PCDHGA3: variants seen among roughly 807,000 people sequenced by gnomAD.
PCDHGA3 encodes the protein protocadherin gamma subfamily A, 3, also known as protocadherin gamma-A3.
A neutral mutation model predicts 58.5 loss-of-function variants in PCDHGA3; 40 were observed. The observed-to-expected ratio is 0.68, with a 90% CI of 0.53 to 0.89. The LOEUF is 0.89. Among genes scored for constraint, PCDHGA3 ranks in the 40% least tolerant of loss-of-function variants. The pLI, the probability that PCDHGA3 is intolerant of heterozygous loss-of-function variation, is 0.00. For missense variants in PCDHGA3, 1,223 were observed against 1,195.9 expected (o/e 1.02, Z -0.33); for synonymous variants, 530 against 525.7 (o/e 1.01, Z -0.11).
At chr5:141,416,859 G>C (rs1411419006) in intron 1 of PCDHGA3, 1 of 151,936 alleles carries the variant, frequency 6.6e-6, no homozygotes, top group African/African-American at 2.4e-5. Context: ...ATTTTTTTCA[G>C]GTCAGTCAAC....
chr5:141,371,930 G>A (rs755224038), intron 1 of PCDHGA3: 5 of 1,613,242 alleles, frequency 3.1e-6, no homozygotes, highest in Non-Finnish European at 3.4e-6. Context: ...CGCGGAGCGG[G>A]GTGGTGTTCG....
intron 1 of PCDHGA3, among the ~76,000 whole-genome samples, chr5:141,474,404 G>A (rs1014003488): frequency 4.6e-5 from 7 of 152,156 alleles, no homozygotes; most frequent in East Asian, 1.9e-4. Context: ...CAAGCTCCCC[G>A]GTGATGCCTA....
In PCDHGA3 at chr5:141,485,219, A is replaced by C. The variant is rs954128321; in HGVS notation, c.2425-9588A>C. 20 of 1,613,930 alleles carry C rather than the reference A, an allele frequency of 1.2e-5. No individual in the cohort carries two copies. The highest frequency in any genetic ancestry group is 1.6e-5 in the Non-Finnish European group (19 of 1,179,944). On this transcript the variant is annotated intron_variant, in intron 1 of 3. Coordinates refer to ENST00000253812, the MANE Select transcript of PCDHGA3 (RefSeq NM_018916.4). The surrounding 1 kb of genome is among the most constrained non-coding windows in gnomAD (Gnocchi z 5.7). The stretch of plus-strand genomic sequence containing the variant: ...CTGGACAGAAATCTGGCGGTGGGCT[A>C]CCCTTTTGTTCCTCTTTTACCACCT...
chr5:141,345,466 AC>A lies in PCDHGA3; in HGVS notation c.1436del (p.Pro479GlnfsTer13). ...GASIFSVTAQ[D>X]PDSNNNARIT... ...TCCATCTTCTCAGTGACAGCCCAGG[AC>A]CCAGATAGCAACAACAACGCCCGCA... On this transcript the variant is annotated frameshift_variant, in exon 1 of 4. Transcript: ENST00000253812. LOFTEE classifies it high-confidence loss of function. 1 of 1,614,078 alleles carries A rather than the reference AC, an allele frequency of 6.2e-7. No homozygotes were observed. Among genetic ancestry groups the A allele is most frequent in the South Asian group, 1.1e-5 (1 of 91,084 alleles).
intron 1 of PCDHGA3, among the ~76,000 whole-genome samples, chr5:141,406,071 C>T (rs2094755708): frequency 7.4e-6 from 1 of 134,244 alleles, no homozygotes; most frequent in East Asian, 2.1e-4. Context: ...AATTCTTACT[C>T]CTTTTTTTTT....
intron 1 of PCDHGA3, chr5:141,419,893 TCCC>T (rs571839457): frequency 5.0e-5 from 81 of 1,613,960 alleles, no homozygotes; most frequent in Non-Finnish European, 6.5e-5. Context: ...TCAGCGACCA[TCCC>T]ACACCCTCTG....
intron 1 of PCDHGA3, chr5:141,387,691 G>C (rs1032902954): frequency 3.3e-5 from 28 of 840,822 alleles, no homozygotes; most frequent in Non-Finnish European, 4.7e-5. Context: ...GCCGCAGCGC[G>C]CTTTCCAGGG....
intron 1 of PCDHGA3, chr5:141,398,109 G>T: frequency 6.3e-7 from 1 of 1,594,204 alleles, no homozygotes; most frequent in Non-Finnish European, 8.5e-7. Context: ...TGGTGAGCAA[G>T]CTGAGGAGAG....
Position 141,476,387 on chromosome 5 carries a change from C to G in PCDHGA3, c.2425-18420C>G, listed in dbSNP as rs147660262. Reference sequence around the variant, plus strand: ...GACCGGAGAGATGTTTGTGAACGACCGTCTGGATCGAGAGGAGCTGTGTGG... The same window carrying G: ...GACCGGAGAGATGTTTGTGAACGACGGTCTGGATCGAGAGGAGCTGTGTGG... On this transcript the variant is annotated intron_variant, in intron 1 of 3. Coordinates refer to ENST00000253812, the MANE Select transcript of PCDHGA3 (RefSeq NM_018916.4). The surrounding 1 kb of genome is among the most constrained non-coding windows in gnomAD (Gnocchi z 7.6). 3.6e-4 allele frequency: 587 copies of G among 1,614,076 alleles called. No individual in the cohort carries two copies. The highest frequency in any genetic ancestry group is 4.7e-4 in the Non-Finnish European group (549 of 1,180,024).
chr5:141,452,054 C>T (rs578157525), intron 1 of PCDHGA3, among the ~76,000 whole-genome samples: 2 of 152,078 alleles, frequency 1.3e-5, no homozygotes, highest in Admixed American at 1.3e-4. Flanking sequence ...TTTGTAATAA[C>T]TTATTCTACT....
At chr5:141,417,452 C>A in intron 1 of PCDHGA3, 1 of 173,536 alleles carries the variant, frequency 5.8e-6, no homozygotes, top group Non-Finnish European at 1.2e-5. Flanking sequence ...ATAGTTATGA[C>A]CAAGTGGAAA....
At position 141,490,003 on chromosome 5, in the gene PCDHGA3, G is replaced by A. The variant is rs2099694760; in HGVS notation, c.2425-4804G>A. On this transcript the variant is annotated intron_variant, in intron 1 of 3. Transcript: ENST00000253812. This position sits in a 1 kb window ranked among gnomAD's most constrained non-coding sequence, Gnocchi z 5.4. ...TCTACGTGTGGGAATCCCAGAGAAT[G>A]CACCCATTGGTACTCTGCTGCTCCG... 6.2e-7 allele frequency: 1 copy of A among 1,614,204 alleles called. No homozygotes were observed. Among genetic ancestry groups the A allele is most frequent in the Non-Finnish European group, 8.5e-7 (1 of 1,180,008 alleles).
intron 1 of PCDHGA3, among the ~76,000 whole-genome samples, chr5:141,354,850 CATTGCAA>C (rs1018068182): frequency 3.3e-5 from 5 of 152,230 alleles, no homozygotes; most frequent in Admixed American, 3.3e-4. Flanking sequence ...CTTGAATTTT[CATTGCAA>C]ATCAAAAACA....
chr5:141,347,515 C>A, intron 1 of PCDHGA3, among the ~76,000 whole-genome samples: 1 of 151,990 alleles, frequency 6.6e-6, no homozygotes, highest in East Asian at 1.9e-4. Flanking sequence ...AGGCTGGGTG[C>A]AGTGGCTCAT....
chr5:141,432,061 G>T lies in PCDHGA3; in HGVS notation c.2425-62746G>T. On this transcript the variant is annotated intron_variant, in intron 1 of 3. Coordinates refer to ENST00000253812, the MANE Select transcript of PCDHGA3 (RefSeq NM_018916.4). The surrounding 1 kb of genome is among the most constrained non-coding windows in gnomAD (Gnocchi z 6.0). ...ACCGGGGAACCCCGCCCCTATCCAC[G>T]GAAACTCATATCTCGCTGAACGTGG... 1.9e-6 allele frequency: 3 copies of T among 1,614,130 alleles called. No homozygotes were observed. The highest frequency in any genetic ancestry group is 2.5e-6 in the Non-Finnish European group (3 of 1,180,034).
intron 1 of PCDHGA3, chr5:141,492,046 AC>A (rs955983612): frequency 2.0e-6 from 1 of 494,316 alleles, no homozygotes; most frequent in African/African-American, 2.0e-5. Context: ...TCACAGATCC[AC>A]CCCTGCAGCC....
intron 1 of PCDHGA3, chr5:141,364,204 A>C (rs1763216193): frequency 1.7e-6 from 2 of 1,155,836 alleles, no homozygotes; most frequent in East Asian, 5.3e-5. Flanking sequence ...CAGACCAGAC[A>C]AGCTCCTACG....
At chr5:141,461,225 T>C (rs1157429654) in intron 1 of PCDHGA3, among the ~76,000 whole-genome samples, 3 of 152,162 alleles carry the variant, frequency 2.0e-5, no homozygotes, top group African/African-American at 7.2e-5. Flanking sequence ...CTGTTTTCCA[T>C]AGAGGTTGTA....
At chr5:141,405,353 AT>A in intron 1 of PCDHGA3, 3 of 1,614,026 alleles carry the variant, frequency 1.9e-6, no homozygotes, top group Non-Finnish European at 2.5e-6. Context: ...CAAGTTTCCT[AT>A]AGAAGACACC....
Sources: gnomAD v4.1 joint callset for allele counts (sites outside exome capture counted in the v4.1 genomes callset) on GRCh38, gnomAD v4.1.1 for gene constraint, Gnocchi (gnomAD v3.1) non-coding constraint, MANE v1.5 for transcripts, NCBI Gene and HGNC (gene_info 2026-07-23, HGNC 2026-07-21) for gene names.